Variants in TVP23A observed in about 807,000 individuals in gnomAD.
The protein encoded by TVP23A is Golgi apparatus membrane protein TVP23 homolog A.
Under a neutral mutation model 31.7 loss-of-function variants are expected in TVP23A, and 21 were observed. That is an observed-to-expected ratio of 0.66 (90% CI 0.47 to 0.95). The LOEUF (loss-of-function observed/expected upper bound fraction) is 0.95, where lower values mean the gene tolerates loss of function less well. Ranked by LOEUF, TVP23A falls within the 40% of genes least tolerant of loss-of-function variation. The pLI is 0.00. For missense variants in TVP23A, 279 were observed against 255.6 expected (o/e 1.09, Z -0.62); for synonymous variants, 104 against 96.0 (o/e 1.08, Z -0.49).
At chr16:10,794,937 C>G (rs9924092) in intron 2 of TVP23A, among the ~76,000 whole-genome samples, 36,609 of 151,870 alleles carry the variant, frequency 0.24, 10,254 homozygotes, top group African/African-American at 0.67. Flanking sequence ...GAGCTAGTAA[C>G]ACAGGCGACC....
intron 6 of TVP23A, 91 bp downstream of exon 6, chr16:10,771,579 T>A: frequency 6.7e-7 from 1 of 1,486,502 alleles, no homozygotes; most frequent in East Asian, 2.3e-5. Flanking sequence ...CTGGCGGATA[T>A]GTTACATTAC....
intron 2 of TVP23A, among the ~76,000 whole-genome samples, chr16:10,792,784 C>T (rs571587105): frequency 2.0e-5 from 3 of 152,350 alleles, no homozygotes; most frequent in African/African-American, 7.2e-5. Context: ...ATTCAAAAGA[C>T]AGCACATCCT....
intron 2 of TVP23A, among the ~76,000 whole-genome samples, chr16:10,788,576 A>G (rs1429133854): frequency 6.6e-6 from 1 of 152,196 alleles, no homozygotes; most frequent in East Asian, 1.9e-4. Context: ...ACAGGTTAAG[A>G]GTTCATAAAG....
At chr16:10,788,247 G>A (rs772128324) in intron 2 of TVP23A, among the ~76,000 whole-genome samples, 7 of 151,558 alleles carry the variant, frequency 4.6e-5, no homozygotes, top group Non-Finnish European at 7.4e-5. Flanking sequence ...GAGTGTCTGG[G>A]TTAAGATGAG....
At chr16:10,788,775 C>T (rs1830370) in intron 2 of TVP23A, among the ~76,000 whole-genome samples, 2 of 152,080 alleles carry the variant, frequency 1.3e-5, no homozygotes, top group Non-Finnish European at 1.5e-5. Context: ...GCTCAAACAG[C>T]GTATTTTTAA....
downstream of TVP23A, among the ~76,000 whole-genome samples, chr16:10,758,680 T>C (rs918334980): frequency 6.6e-6 from 1 of 152,214 alleles, no homozygotes; most frequent in African/African-American, 2.4e-5. Flanking sequence ...GCCGTGTCCA[T>C]GTGTCAGGTC....
At chr16:10,795,950 C>T (rs1026334891) in intron 2 of TVP23A, among the ~76,000 whole-genome samples, 1 of 152,074 alleles carries the variant, frequency 6.6e-6, no homozygotes, top group South Asian at 2.1e-4. Context: ...TACTCATTTA[C>T]AAGAAATACA....
At chr16:10,811,729 C>A (rs1279494103) in intron 2 of TVP23A, among the ~76,000 whole-genome samples, 1 of 151,506 alleles carries the variant, frequency 6.6e-6, no homozygotes, top group Admixed American at 6.6e-5. Context: ...ATGGTGAAAC[C>A]CCGTCTCTAC....
In TVP23A at chr16:10,814,499, G is replaced by A. The variant is rs74007556; in HGVS notation, c.89+3604C>T. ...ATCTTGACCACCAGCAAGGCGGGCC[G>A]ATTCTACCTCCCCTGTGCCTCTGGG... On this transcript the variant is annotated intron_variant, in intron 2 of 7. Coordinates refer to ENST00000299866, the MANE Select transcript of TVP23A (RefSeq NM_001079512.4). 5.4e-3 allele frequency among the ~76,000 whole-genome samples: 814 copies of A among 152,148 alleles called. 6 individuals carry two copies. Among genetic ancestry groups the A allele is most frequent in the African/African-American group, 0.018 (735 of 41,490 alleles).
chr16:10,772,996 T>C (rs1174681738), intron 5 of TVP23A, among the ~76,000 whole-genome samples: 2 of 152,084 alleles, frequency 1.3e-5, no homozygotes, highest in East Asian at 3.9e-4. Context: ...GTGCACACCA[T>C]CATGCCTGGC....
At chr16:10,797,867 T>C (rs767603709) in intron 2 of TVP23A, among the ~76,000 whole-genome samples, 69 of 152,116 alleles carry the variant, frequency 4.5e-4, no homozygotes, top group African/African-American at 1.3e-3. Context: ...TTGGGCATCA[T>C]TGAATGAGGG....
At chr16:10,795,408 G>A (rs922067079) in intron 2 of TVP23A, among the ~76,000 whole-genome samples, 20 of 151,936 alleles carry the variant, frequency 1.3e-4, no homozygotes, top group South Asian at 4.2e-4. Context: ...GCACTACCAC[G>A]CCTGGCTAAT....
chr16:10,781,080 G>C (rs956492404), intron 2 of TVP23A, among the ~76,000 whole-genome samples: 1 of 152,144 alleles, frequency 6.6e-6, no homozygotes, highest in African/African-American at 2.4e-5. Context: ...TATAATCCCA[G>C]CACTTTGGGA....
intron 2 of TVP23A, 173 bp from the exon 3 acceptor site, chr16:10,775,269 C>T: frequency 7.0e-7 from 1 of 1,431,436 alleles, no homozygotes; most frequent in South Asian, 1.5e-5. Context: ...ATCATTAGGT[C>T]AGCAGTCCCC....
At chr16:10,798,244 C>A (rs990624958) in intron 2 of TVP23A, among the ~76,000 whole-genome samples, 1 of 152,022 alleles carries the variant, frequency 6.6e-6, no homozygotes, top group Non-Finnish European at 1.5e-5. Flanking sequence ...CAGGTGTGCG[C>A]CCGCGCCCGG....
chr16:10,803,149 T>G (rs182656803), intron 2 of TVP23A, among the ~76,000 whole-genome samples: 2 of 151,884 alleles, frequency 1.3e-5, no homozygotes, highest in African/African-American at 4.8e-5. Context: ...CTGGGCGTGG[T>G]GGCGGGTGCC....
At chr16:10,807,749 C>G (rs1214670809) in intron 2 of TVP23A, among the ~76,000 whole-genome samples, 1 of 152,194 alleles carries the variant, frequency 6.6e-6, no homozygotes, top group Admixed American at 6.5e-5. Flanking sequence ...CAGGGTAAGC[C>G]TAAGATGGAA....
chr16:10,761,541 G>C, exon 9 of TVP23A: 3 of 1,341,046 alleles, frequency 2.2e-6, no homozygotes, highest in African/African-American at 2.9e-5. Context: ...CGATCGGAAG[G>C]CTGCTCTGCA....
intron 2 of TVP23A, 88 bp from the exon 3 acceptor site, chr16:10,775,184 G>A: frequency 6.6e-7 from 1 of 1,504,930 alleles, no homozygotes; most frequent in East Asian, 2.5e-5. Context: ...TTTGCTGGGG[G>A]TGTTAGCGTG....
Sources: gnomAD v4.1 joint callset for allele counts (sites outside exome capture counted in the v4.1 genomes callset) on GRCh38, gnomAD v4.1.1 for gene constraint, MANE v1.5 for transcripts, NCBI Gene and HGNC (gene_info 2026-07-23, HGNC 2026-07-21) for gene names.